Variants in CTBP2 observed in about 807,000 individuals in gnomAD.
CTBP2 encodes the protein C-terminal binding protein 2.
CTBP2 carries 30 observed loss-of-function variants against 80.3 expected under a neutral mutation model. The observed-to-expected ratio is 0.37, with a 90% CI of 0.28 to 0.51. The LOEUF (loss-of-function observed/expected upper bound fraction) is 0.51, where lower values mean the gene tolerates loss of function less well. Among genes scored for constraint, CTBP2 ranks in the 20% least tolerant of loss-of-function variants. The pLI is 0.93. For synonymous variants in CTBP2, 594 were observed against 587.4 expected (o/e 1.01, Z -0.16); for missense variants, 1,212 against 1,375.3 (o/e 0.88, Z 1.88).
At position 125,149,994 on chromosome 10, in the gene CTBP2, G is replaced by A. The variant is rs115736006; in HGVS notation, c.-206+10325C>T. ...GGAGCGACCCAAAGGAAGTTCACCC[G>A]GCAAAACCTAGTTTCTCCCTGGTTT... On this transcript the variant is annotated intron_variant, in intron 1 of 10. Coordinates refer to the CTBP2 transcript ENST00000337195. 8.2e-3 allele frequency among the ~76,000 whole-genome samples: 1,242 copies of A among 152,314 alleles called. 14 individuals carry two copies. The highest frequency in any genetic ancestry group is 0.029 in the African/African-American group (1,192 of 41,570).
At chr10:125,118,069 T>C (rs996235907) in intron 1 of CTBP2, among the ~76,000 whole-genome samples, 4 of 152,238 alleles carry the variant, frequency 2.6e-5, no homozygotes, top group African/African-American at 9.6e-5. Context: ...CGTCTTCCAA[T>C]AGAAGGCCAA....
chr10:125,141,342 A>T (rs973129722), intron 1 of CTBP2, among the ~76,000 whole-genome samples: 2 of 152,064 alleles, frequency 1.3e-5, no homozygotes, highest in Admixed American at 1.3e-4. Context: ...ACGCATAAGG[A>T]GCTGGCAGGG....
At chr10:125,152,095 C>G (rs1421690944) in intron 1 of CTBP2, among the ~76,000 whole-genome samples, 1 of 152,072 alleles carries the variant, frequency 6.6e-6, no homozygotes. Context: ...GGGAAGAGGG[C>G]ACAGCTGGGG....
chr10:125,137,838 A>G (rs948472554), intron 1 of CTBP2, among the ~76,000 whole-genome samples: 1 of 152,132 alleles, frequency 6.6e-6, no homozygotes. Context: ...TCACACACCA[A>G]AACGTTTTTA....
chr10:125,131,139 G>A (rs928076937), intron 1 of CTBP2, among the ~76,000 whole-genome samples: 1 of 152,156 alleles, frequency 6.6e-6, no homozygotes, highest in Non-Finnish European at 1.5e-5. Flanking sequence ...CCCCGGCTGG[G>A]AGCAGCCCGC....
At chr10:125,040,173 G>T (rs1315172246) in intron 2 of CTBP2, among the ~76,000 whole-genome samples, 1 of 152,118 alleles carries the variant, frequency 6.6e-6, no homozygotes. Flanking sequence ...AATGAATCTT[G>T]GCCAGGCACG....
At chr10:125,055,810 G>C (rs1458233326) in intron 2 of CTBP2, among the ~76,000 whole-genome samples, 1 of 152,222 alleles carries the variant, frequency 6.6e-6, no homozygotes, top group Non-Finnish European at 1.5e-5. Flanking sequence ...TGAGGAGTGG[G>C]ACTGTGGGAA....
At chr10:125,065,301 T>A (rs1345444693) in intron 2 of CTBP2, among the ~76,000 whole-genome samples, 1 of 152,014 alleles carries the variant, frequency 6.6e-6, no homozygotes, top group African/African-American at 2.4e-5. Flanking sequence ...AGAGCCTTGT[T>A]CTCTTTGTGA....
intron 1 of CTBP2, among the ~76,000 whole-genome samples, chr10:125,157,410 CG>C (rs935220720): frequency 7.0e-5 from 10 of 142,228 alleles, no homozygotes; most frequent in South Asian, 2.2e-4. Context: ...AAAAAAAGAG[CG>C]GGGGGGAGTC....
chr10:125,130,230 T>C (rs1390269095), intron 1 of CTBP2, among the ~76,000 whole-genome samples: 3 of 152,184 alleles, frequency 2.0e-5, no homozygotes, highest in East Asian at 1.9e-4. Context: ...GTATTTTTAG[T>C]ACAGATGGGG....
intron 1 of CTBP2, among the ~76,000 whole-genome samples, chr10:125,012,360 G>A (rs966298854): frequency 1.3e-5 from 2 of 152,340 alleles, no homozygotes; most frequent in Admixed American, 1.3e-4. Context: ...GGTCCCTGCA[G>A]GGACGGGTGG....
intron 2 of CTBP2, among the ~76,000 whole-genome samples, chr10:125,072,066 C>T (rs552827911): frequency 6.6e-6 from 1 of 152,168 alleles, no homozygotes; most frequent in South Asian, 2.1e-4. Flanking sequence ...AGAACATAAT[C>T]CACATACATG....
At chr10:125,033,385 G>A (rs2043953) in intron 3 of CTBP2, among the ~76,000 whole-genome samples, 60,281 of 152,020 alleles carry the variant, frequency 0.4, 13,367 homozygotes, top group East Asian at 0.63. Flanking sequence ...GAGCGCGCAC[G>A]CCAAGGTGCC....
chr10:125,097,866 C>T (rs1419083413), intron 2 of CTBP2, among the ~76,000 whole-genome samples: 2 of 152,136 alleles, frequency 1.3e-5, no homozygotes, highest in Admixed American at 6.5e-5. Context: ...AATCCCAGCA[C>T]AGCACCTTGG....
intron 1 of CTBP2, among the ~76,000 whole-genome samples, chr10:125,152,144 G>T (rs1860080250): frequency 6.6e-6 from 1 of 152,048 alleles, no homozygotes; most frequent in Non-Finnish European, 1.5e-5. Context: ...CGCGGGGGCG[G>T]GGCCTCCAGG....
At chr10:124,991,507 C>T (rs1341518158) in intron 8 of CTBP2, among the ~76,000 whole-genome samples, 1 of 152,190 alleles carries the variant, frequency 6.6e-6, no homozygotes, top group Non-Finnish European at 1.5e-5. Context: ...GTGAAGACAG[C>T]CATGTGACCT....
chr10:125,031,935 C>T (rs1175990711), upstream of CTBP2, among the ~76,000 whole-genome samples: 1 of 152,138 alleles, frequency 6.6e-6, no homozygotes, highest in Non-Finnish European at 1.5e-5. Context: ...CAGTATTTAG[C>T]CATGGTAAGT....
intron 2 of CTBP2, among the ~76,000 whole-genome samples, chr10:125,083,274 A>G (rs1170003560): frequency 6.6e-6 from 1 of 152,230 alleles, no homozygotes; most frequent in Non-Finnish European, 1.5e-5. Flanking sequence ...AGCACAGCCA[A>G]GTCACTCAGA....
At chr10:125,086,329 C>T (rs919630434) in intron 2 of CTBP2, among the ~76,000 whole-genome samples, 3 of 152,050 alleles carry the variant, frequency 2.0e-5, no homozygotes, top group East Asian at 1.9e-4. Flanking sequence ...GTCAGGAGTT[C>T]GAGACCAGCC....
Sources: gnomAD v4.1 joint callset for allele counts (sites outside exome capture counted in the v4.1 genomes callset) on GRCh38, gnomAD v4.1.1 for gene constraint, MANE v1.5 for transcripts, NCBI Gene and HGNC (gene_info 2026-07-23, HGNC 2026-07-21) for gene names.